DSCAM: variants seen among roughly 807,000 people sequenced by gnomAD.
DSCAM encodes cell adhesion molecule DSCAM.
DSCAM carries 47 observed loss-of-function variants against 217.7 expected under a neutral mutation model. The observed-to-expected ratio is 0.22, with a 90% confidence interval of 0.17 to 0.28. DSCAM has a LOEUF of 0.28. Among genes scored for constraint, DSCAM ranks in the 10% least tolerant of loss-of-function variants. The pLI is 1.00. For missense variants in DSCAM, 2,080 were observed against 2,618.3 expected (o/e 0.79, Z 4.49); for synonymous variants, 1,056 against 1,015.3 (o/e 1.04, Z -0.76).
At chr21:40,550,139 C>G (rs113419640) in intron 3 of DSCAM, among the ~76,000 whole-genome samples, 5,344 of 152,226 alleles carry the variant, frequency 0.035, 322 homozygotes, top group African/African-American at 0.12. Context: ...ACACCAACAC[C>G]GAGCCCCAGG....
chr21:40,204,235 G>A (rs2091100349), intron 11 of DSCAM, among the ~76,000 whole-genome samples: 1 of 152,198 alleles, frequency 6.6e-6, no homozygotes, highest in Admixed American at 6.5e-5. Flanking sequence ...ATGTGCCTGT[G>A]TGAGCACGTG....
At chr21:40,280,674 A>G (rs2073748888) in intron 10 of DSCAM, among the ~76,000 whole-genome samples, 1 of 152,186 alleles carries the variant, frequency 6.6e-6, no homozygotes, top group Non-Finnish European at 1.5e-5. Flanking sequence ...GAGATTACGG[A>G]CTTTCTAATA....
intron 1 of DSCAM, among the ~76,000 whole-genome samples, chr21:40,775,354 T>A (rs944625326): frequency 2.4e-4 from 37 of 152,298 alleles, no homozygotes; most frequent in African/African-American, 8.9e-4. Flanking sequence ...GATTAAGAAC[T>A]GAAGGAATAC....
chr21:40,164,331 T>C (rs999288088), intron 16 of DSCAM, among the ~76,000 whole-genome samples: 2 of 152,054 alleles, frequency 1.3e-5, no homozygotes, highest in Admixed American at 6.6e-5. Flanking sequence ...ACGATGACAC[T>C]TGTGGACTGC....
At chr21:40,704,666 C>A (rs563210298) in intron 2 of DSCAM, among the ~76,000 whole-genome samples, 1 of 152,014 alleles carries the variant, frequency 6.6e-6, no homozygotes, top group Non-Finnish European at 1.5e-5. Context: ...CAGTGAGCCA[C>A]GATCCCATCA....
intron 8 of DSCAM, among the ~76,000 whole-genome samples, chr21:40,323,086 C>A (rs765586815): frequency 6.6e-6 from 1 of 152,094 alleles, no homozygotes. Context: ...GATTGAGGAG[C>A]AATTCTGCCC....
intron 1 of DSCAM, among the ~76,000 whole-genome samples, chr21:40,772,861 G>A (rs763077267): frequency 5.3e-5 from 8 of 152,200 alleles, no homozygotes; most frequent in South Asian, 2.1e-4. Context: ...AAGAAATAAC[G>A]ATTGCCATAA....
chr21:40,314,342 G>A (rs1351012905), intron 8 of DSCAM, among the ~76,000 whole-genome samples: 4 of 152,144 alleles, frequency 2.6e-5, no homozygotes, highest in South Asian at 2.1e-4. Flanking sequence ...CAAAGGTACC[G>A]ACAAGCATAC....
chr21:40,469,170 G>T (rs930632126), intron 3 of DSCAM, among the ~76,000 whole-genome samples: 4 of 152,142 alleles, frequency 2.6e-5, no homozygotes, highest in African/African-American at 9.7e-5. Flanking sequence ...AGACAATGGA[G>T]AAATCATTCC....
Position 40,052,443 on chromosome 21 carries a change from T to G in DSCAM, c.5036-336A>C, listed in dbSNP as rs375077283. Among the ~76,000 whole-genome samples, 5 of 152,162 alleles carry G rather than the reference T, an allele frequency of 3.3e-5. No individual in the cohort carries two copies. In the East Asian group the frequency reaches 9.6e-4, roughly 29 times the overall value. On this transcript the variant is annotated intron_variant, in intron 29 of 32. Coordinates refer to ENST00000400454, the MANE Select transcript of DSCAM (RefSeq NM_001389.5). ...CTGGATTTATGTGTTTGTCAAAAGCTTCTCTGAGACATCATCTGCGATGCC... is the reference window on the plus strand; with the variant it reads ...CTGGATTTATGTGTTTGTCAAAAGCGTCTCTGAGACATCATCTGCGATGCC...
chr21:40,426,438 C>T (rs764275443), intron 3 of DSCAM, among the ~76,000 whole-genome samples: 2 of 152,158 alleles, frequency 1.3e-5, no homozygotes, highest in African/African-American at 2.4e-5. Context: ...GAACAGTTCA[C>T]GGCATCTATG....
chr21:40,131,326 C>G (rs369151168), intron 19 of DSCAM, among the ~76,000 whole-genome samples: 1 of 152,232 alleles, frequency 6.6e-6, no homozygotes, highest in African/African-American at 2.4e-5. Flanking sequence ...GTGGTTGACA[C>G]AATTCTTCAC....
intron 3 of DSCAM, among the ~76,000 whole-genome samples, chr21:40,578,696 A>G (rs1378532597): frequency 1.3e-5 from 2 of 152,204 alleles, no homozygotes; most frequent in African/African-American, 4.8e-5. Flanking sequence ...ATGAGCTGTA[A>G]CACTCACTGT....
chr21:40,105,880 TA>T (rs2089813091), intron 20 of DSCAM, among the ~76,000 whole-genome samples: 1 of 152,248 alleles, frequency 6.6e-6, no homozygotes, highest in Non-Finnish European at 1.5e-5. Flanking sequence ...TTTTTGTCTT[TA>T]CTTCTGTTTA....
At chr21:40,344,624 G>A (rs549534687) in intron 6 of DSCAM, among the ~76,000 whole-genome samples, 36 of 152,078 alleles carry the variant, frequency 2.4e-4, no homozygotes, top group Non-Finnish European at 5.1e-4. Flanking sequence ...CAAAATATCC[G>A]ATGAATCATC....
chr21:40,783,559 G>T (rs1395931908), intron 1 of DSCAM, among the ~76,000 whole-genome samples: 1 of 152,122 alleles, frequency 6.6e-6, no homozygotes, highest in Non-Finnish European at 1.5e-5. Context: ...GACTTTAATT[G>T]GGAAAGTAAT....
chr21:40,822,854 A>G (rs1454705395), intron 1 of DSCAM, among the ~76,000 whole-genome samples: 1 of 152,250 alleles, frequency 6.6e-6, no homozygotes, highest in Admixed American at 6.5e-5. Context: ...ACTTCTTATA[A>G]GAAATAACAC....
intron 14 of DSCAM, among the ~76,000 whole-genome samples, chr21:40,180,731 G>C (rs2090789720): frequency 6.6e-6 from 1 of 152,176 alleles, no homozygotes; most frequent in Non-Finnish European, 1.5e-5. Context: ...GAAACTGACG[G>C]GGCCAATGAA....
chr21:40,194,670 C>A (rs1454903110), intron 11 of DSCAM, among the ~76,000 whole-genome samples: 1 of 152,204 alleles, frequency 6.6e-6, no homozygotes, highest in Non-Finnish European at 1.5e-5. Context: ...ATCCTTAATG[C>A]TCAGTAAATC....
Sources: gnomAD v4.1 joint callset for allele counts (sites outside exome capture counted in the v4.1 genomes callset) on GRCh38, gnomAD v4.1.1 for gene constraint, MANE v1.5 for transcripts, NCBI Gene and HGNC (gene_info 2026-07-23, HGNC 2026-07-21) for gene names.